COL11A1: variants seen among roughly 807,000 people sequenced by gnomAD.
COL11A1 encodes collagen alpha-1(XI) chain.
COL11A1 carries 74 observed loss-of-function variants against 265.2 expected under a neutral mutation model. The ratio of observed to expected loss-of-function variants is 0.28; its 90% CI spans 0.23 to 0.34. The LOEUF (loss-of-function observed/expected upper bound fraction) is 0.34. Ranked by LOEUF, COL11A1 falls within the 10% of genes least tolerant of loss-of-function variation. COL11A1 has a pLI of 1.00. For synonymous variants in COL11A1, 816 were observed against 727.6 expected (o/e 1.12, Z -1.96); for missense variants, 2,165 against 2,263.6 (o/e 0.96, Z 0.88).
intron 3 of COL11A1, among the ~76,000 whole-genome samples, chr1:103,075,295 T>A (rs904744569): frequency 1.1e-4 from 17 of 152,200 alleles, no homozygotes; most frequent in African/African-American, 4.1e-4. Flanking sequence ...AAACACAATG[T>A]GCTTCTCTGT....
chr1:103,091,217 A>G (rs575550802), intron 1 of COL11A1, among the ~76,000 whole-genome samples: 1 of 152,056 alleles, frequency 6.6e-6, no homozygotes, highest in South Asian at 2.1e-4. Context: ...AATATTGTAG[A>G]CCCTTTCCTC....
chr1:102,919,502 G>A (rs1175951244), intron 49 of COL11A1, among the ~76,000 whole-genome samples: 1 of 151,808 alleles, frequency 6.6e-6, no homozygotes, highest in Non-Finnish European at 1.5e-5. Context: ...TTAACAAGTA[G>A]CATATTAAGG....
At chr1:103,091,960 C>A (rs1673358995) in intron 1 of COL11A1, among the ~76,000 whole-genome samples, 1 of 151,986 alleles carries the variant, frequency 6.6e-6, no homozygotes, top group Admixed American at 6.6e-5. Flanking sequence ...AAATAGAAAT[C>A]CAGTGAACAA....
rs975763978 is a variant in COL11A1 at position 102,890,471 on chromosome 1, G to T, written c.4336C>A (p.Pro1446Thr). The T allele has an allele frequency of 1.2e-6, 2 of 1,608,698 alleles. No homozygotes were observed. Among genetic ancestry groups the T allele is most frequent in the South Asian group, 2.2e-5 (2 of 90,414 alleles). ...CTCACCTTTTCACCCTTGGAGCCAG[G>T]GTCACCTTTGAGACCAGGTAAGCCA... ...PPGLPGLKGD[P>T]GSKGEKGHPG... The change falls in exon 58 of 67, where the codon CCT becomes ACT. Residue 1446 changes from proline to threonine, a missense_variant. By Grantham distance (38) the Pro-to-Thr change is conservative. Coordinates refer to ENST00000370096, the MANE Select transcript of COL11A1 (RefSeq NM_001854.4).
chr1:102,985,675 A>G (rs928311993), intron 30 of COL11A1, among the ~76,000 whole-genome samples: 3 of 152,178 alleles, frequency 2.0e-5, no homozygotes, highest in African/African-American at 7.2e-5. Flanking sequence ...ACTAACATAT[A>G]CTAATGAAAT....
At chr1:103,032,807 C>A (rs1306074050) in intron 4 of COL11A1, among the ~76,000 whole-genome samples, 1 of 152,046 alleles carries the variant, frequency 6.6e-6, no homozygotes, top group African/African-American at 2.4e-5. Flanking sequence ...TCTATGCTTA[C>A]ATTTCTCTTC....
Position 102,997,108 on chromosome 1 carries a change from T to C in COL11A1, c.2213A>G (p.Glu738Gly). Residue 738 changes from glutamate to glycine, a missense_variant, in exon 26 of 67, where the codon GAA (glutamate) becomes GGA (glycine). Physicochemically the swap from Glu to Gly is moderately conservative, Grantham distance 98. Transcript: ENST00000370096. ...AGCCCCCTTTTCTCCAGACTGGCCT[T>C]CTTTCCCAGGATGACCCTATATTTA... Reference protein sequence around the residue: ...ADGPPGHPGKEGQSGEKGALG... With the variant: ...ADGPPGHPGKGGQSGEKGALG... The C allele has an allele frequency of 1.2e-6, 2 of 1,611,998 alleles. No homozygotes were observed. The highest frequency in any genetic ancestry group is 1.7e-6 in the Non-Finnish European group (2 of 1,178,458).
intron 58 of COL11A1, 73 bp downstream of exon 58, chr1:102,890,378 T>C: frequency 7.5e-7 from 1 of 1,338,778 alleles, no homozygotes; most frequent in Middle Eastern, 1.9e-4. Context: ...TGAATGATTT[T>C]AATCTGCAAA....
rs367824632 is a variant in COL11A1 at position 102,987,714 on chromosome 1, T to A, written c.2421A>T (p.Arg807Ser). Residue 807 changes from arginine (R) to serine (S), a missense_variant, in exon 30 of 67, where the codon AGA (arginine) becomes AGT (serine). Physicochemically the swap from Arg to Ser is moderately radical, Grantham distance 110. Transcript: ENST00000370096. ...DRGEVGQIGP[R>S]GEDGPEGPKG... is the part of the protein sequence containing the mutation. ...TGGGTCCTTCAGGGCCATCTTCCCCTCTTGGGCCAATTTGACCAACTTCTC... is the reference window on the plus strand; with the variant it reads ...TGGGTCCTTCAGGGCCATCTTCCCCACTTGGGCCAATTTGACCAACTTCTC... 214 of 1,613,578 alleles carry A rather than the reference T, an allele frequency of 1.3e-4. 3 individuals are homozygous for A. The Middle Eastern group carries it at 2.3e-3, about 17-fold the overall frequency.
chr1:102,998,225 C>T, intron 25 of COL11A1, 85 bp downstream of exon 25: 1 of 1,093,590 alleles, frequency 9.1e-7, no homozygotes, highest in Non-Finnish European at 1.4e-6. Flanking sequence ...TTACTAACCT[C>T]ATATAATCAT....
At chr1:102,936,831 T>A (rs1424265900) in intron 44 of COL11A1, among the ~76,000 whole-genome samples, 1 of 152,184 alleles carries the variant, frequency 6.6e-6, no homozygotes, top group Non-Finnish European at 1.5e-5. Flanking sequence ...TAAGAAAAAC[T>A]ACCACTTATA....
chr1:102,882,769 A>T (rs1211949208), intron 64 of COL11A1, among the ~76,000 whole-genome samples: 1 of 152,198 alleles, frequency 6.6e-6, no homozygotes, highest in African/African-American at 2.4e-5. Flanking sequence ...GTTTAAAGAA[A>T]CTAAATATTT....
At chr1:102,974,789 A>T in intron 36 of COL11A1, 41 bp downstream of exon 36, 4 of 1,509,814 alleles carry the variant, frequency 2.6e-6, no homozygotes, top group Non-Finnish European at 3.7e-6. Context: ...AAATGTAAAA[A>T]TATCAAATGA....
chr1:102,995,831 G>T (rs373054253), intron 28 of COL11A1, 33 bp downstream of exon 28: 190 of 1,545,746 alleles, frequency 1.2e-4, no homozygotes, highest in Non-Finnish European at 1.5e-4. Context: ...ATAATACACA[G>T]AAATTAATAC....
intron 7 of COL11A1, among the ~76,000 whole-genome samples, chr1:103,024,061 C>T (rs554337895): frequency 2.2e-4 from 34 of 152,084 alleles, no homozygotes; most frequent in East Asian, 1.4e-3. Flanking sequence ...AACCTGAATC[C>T]GACTTATCAT....
intron 4 of COL11A1, among the ~76,000 whole-genome samples, chr1:103,037,252 T>TTGTGTGTGTGTGTGTG (rs10582908): frequency 1.4e-5 from 2 of 145,138 alleles, no homozygotes; most frequent in African/African-American, 5.1e-5. Flanking sequence ...TACATTTAGA[T>TTGTGTGTGTGTGTGTG]TGTGTGTGTG....
At chr1:103,041,816 G>C (rs893978779) in intron 4 of COL11A1, among the ~76,000 whole-genome samples, 11 of 151,922 alleles carry the variant, frequency 7.2e-5, no homozygotes, top group East Asian at 5.8e-4. Flanking sequence ...ACGATGGAAG[G>C]CTTGCTCAAA....
intron 15 of COL11A1, among the ~76,000 whole-genome samples, chr1:103,006,873 A>T (rs533447017): frequency 2.0e-5 from 3 of 152,240 alleles, no homozygotes; most frequent in Non-Finnish European, 4.4e-5. Context: ...TTACATTTAA[A>T]TAAAAGAAAT....
At chr1:103,069,989 T>C (rs1005332833) in intron 4 of COL11A1, among the ~76,000 whole-genome samples, 3 of 151,578 alleles carry the variant, frequency 2.0e-5, no homozygotes, top group African/African-American at 4.8e-5. Context: ...CTTTGAAAAA[T>C]AGTTTGATAA....
Sources: gnomAD v4.1 joint callset for allele counts (sites outside exome capture counted in the v4.1 genomes callset) on GRCh38, gnomAD v4.1.1 for gene constraint, MANE v1.5 for transcripts, NCBI Gene and HGNC (gene_info 2026-07-23, HGNC 2026-07-21) for gene names.